Variants in ZSCAN25 observed in about 807,000 individuals in gnomAD.
ZSCAN25 encodes the protein zinc finger and SCAN domain containing 25.
Under a neutral mutation model 38.7 loss-of-function variants are expected in ZSCAN25, and 27 were observed. The observed-to-expected ratio is 0.70, with a 90% CI of 0.51 to 0.96. ZSCAN25 has a LOEUF of 0.96. Ranked by LOEUF, ZSCAN25 falls within the 40% of genes least tolerant of loss-of-function variation. ZSCAN25 has a pLI of 0.00. For synonymous variants in ZSCAN25, 273 were observed against 277.7 expected (o/e 0.98, Z 0.17); for missense variants, 637 against 705.9 (o/e 0.90, Z 1.11).
chr7:99,649,307 T>G, the ZSCAN25 span, among the ~76,000 whole-genome samples: 1 of 152,098 alleles, frequency 6.6e-6, no homozygotes, highest in Non-Finnish European at 1.5e-5. Context: ...AAGCACAAAG[T>G]GTACTTAAGG....
the ZSCAN25 span, chr7:99,731,075 G>A: frequency 1.9e-6 from 3 of 1,613,692 alleles, no homozygotes; most frequent in Admixed American, 1.7e-5. Flanking sequence ...GAAGGACAAA[G>A]CATTTCCCAA....
chr7:99,661,328 C>T, the ZSCAN25 span, among the ~76,000 whole-genome samples: 1 of 152,144 alleles, frequency 6.6e-6, no homozygotes, highest in Non-Finnish European at 1.5e-5. Flanking sequence ...GATTTGTGTG[C>T]ACAACCTCAC....
At chr7:99,634,656 G>A (rs1808196288), downstream of ZSCAN25, among the ~76,000 whole-genome samples, 1 of 152,196 alleles carries the variant, frequency 6.6e-6, no homozygotes, top group African/African-American at 2.4e-5. Flanking sequence ...AATTAGCTGG[G>A]CATGGTGGTG....
chr7:99,648,519 A>G, the ZSCAN25 span: 2 of 682,738 alleles, frequency 2.9e-6, no homozygotes, highest in Non-Finnish European at 4.9e-6. Flanking sequence ...ACGACTCTTA[A>G]CACCATGTAT....
At chr7:99,660,614 A>G in the ZSCAN25 span, 1 of 1,614,084 alleles carries the variant, frequency 6.2e-7, no homozygotes, top group East Asian at 2.2e-5. Context: ...ATAGCCAGCA[A>G]AAATGAAGAT....
At chr7:99,663,696 G>T in the ZSCAN25 span, 2 of 1,053,432 alleles carry the variant, frequency 1.9e-6, no homozygotes, top group Non-Finnish European at 2.3e-6. Context: ...TTTATTAAAG[G>T]GAAGAGAAGT....
At chr7:99,685,928 G>T in the ZSCAN25 span, among the ~76,000 whole-genome samples, 1 of 152,146 alleles carries the variant, frequency 6.6e-6, no homozygotes. Context: ...TTTATCACAT[G>T]CATTGTCTCA....
rs755637228 is a variant in ZSCAN25, at chr7:99,620,005, G to A, written c.387+12G>A. On this transcript the variant is annotated intron_variant, in intron 4 of 7. Coordinates refer to ENST00000394152, the MANE Select transcript of ZSCAN25 (RefSeq NM_145115.3). Reference sequence around the variant, plus strand: ...TGGAGGCCAAGGCGGTGGGTGAGGAGGGGATCCAGGTCTGGCGCCCTTGGC... The same window carrying A: ...TGGAGGCCAAGGCGGTGGGTGAGGAAGGGATCCAGGTCTGGCGCCCTTGGC... 1 of 1,605,518 alleles carries A rather than the reference G, an allele frequency of 6.2e-7. No individual in the cohort carries two copies. The highest frequency in any genetic ancestry group is 8.5e-7 in the Non-Finnish European group (1 of 1,177,062).
chr7:99,697,496 G>A, the ZSCAN25 span, among the ~76,000 whole-genome samples: 10 of 152,204 alleles, frequency 6.6e-5, no homozygotes, highest in Non-Finnish European at 1.3e-4. Flanking sequence ...TATGCGTCAT[G>A]TGTGCTTTCA....
the ZSCAN25 span, among the ~76,000 whole-genome samples, chr7:99,734,558 CT>C: frequency 6.6e-6 from 1 of 151,802 alleles, no homozygotes; most frequent in African/African-American, 2.4e-5. Flanking sequence ...ATCATAACCT[CT>C]ATATGTTTGT....
the ZSCAN25 span, chr7:99,650,356 TG>T: frequency 1.2e-6 from 1 of 852,018 alleles, no homozygotes; most frequent in Non-Finnish European, 1.8e-6. Flanking sequence ...AGGATACTTT[TG>T]TGGGCTGGTC....
chr7:99,728,254 C>T, the ZSCAN25 span, among the ~76,000 whole-genome samples: 1 of 152,148 alleles, frequency 6.6e-6, no homozygotes, highest in African/African-American at 2.4e-5. Flanking sequence ...GCAACTAGCC[C>T]CCTCCTAGAA....
the ZSCAN25 span, among the ~76,000 whole-genome samples, chr7:99,698,268 C>G: frequency 6.6e-6 from 1 of 152,186 alleles, no homozygotes; most frequent in South Asian, 2.1e-4. Context: ...AGTGACCGCC[C>G]CACAACATGG....
At chr7:99,703,166 C>A in the ZSCAN25 span, among the ~76,000 whole-genome samples, 1 of 152,148 alleles carries the variant, frequency 6.6e-6, no homozygotes, top group Non-Finnish European at 1.5e-5. Flanking sequence ...TAGGTTTTTG[C>A]AAATATCATT....
the ZSCAN25 span, chr7:99,705,686 A>G: frequency 1.3e-6 from 2 of 1,490,942 alleles, no homozygotes; most frequent in Admixed American, 1.8e-5. Flanking sequence ...ACTGACAATA[A>G]TGCTTTGTAA....
the ZSCAN25 span, among the ~76,000 whole-genome samples, chr7:99,656,451 A>C: frequency 6.6e-6 from 1 of 152,162 alleles, no homozygotes; most frequent in Non-Finnish European, 1.5e-5. Flanking sequence ...ATGGTGGATA[A>C]GCTTTTTGAT....
intron 7 of ZSCAN25, chr7:99,624,554 T>C (rs1336037821): frequency 8.9e-6 from 2 of 223,490 alleles, no homozygotes; most frequent in Non-Finnish European, 1.8e-5. Flanking sequence ...GTGGGCCCTG[T>C]GTTAGTGGTT....
downstream of ZSCAN25, among the ~76,000 whole-genome samples, chr7:99,633,939 T>G (rs554794510): frequency 9.2e-5 from 14 of 152,206 alleles, no homozygotes; most frequent in Non-Finnish European, 1.5e-4. Context: ...CTGCCCCTTT[T>G]GAGAGTGAAA....
intron 6 of ZSCAN25, among the ~76,000 whole-genome samples, 162 bp from the exon 7 acceptor site, chr7:99,623,895 C>A (rs1337221283): frequency 6.6e-6 from 1 of 152,146 alleles, no homozygotes; most frequent in Non-Finnish European, 1.5e-5. Flanking sequence ...CAAGCTGAGC[C>A]CCAGCCACAG....
Sources: gnomAD v4.1 joint callset for allele counts (sites outside exome capture counted in the v4.1 genomes callset) on GRCh38, gnomAD v4.1.1 for gene constraint, MANE v1.5 for transcripts, NCBI Gene and HGNC (gene_info 2026-07-23, HGNC 2026-07-21) for gene names.